SHC3: variants seen among roughly 807,000 people sequenced by gnomAD.
SHC3 encodes SHC adaptor protein 3, also known as SHC-transforming protein 3.
Under a neutral mutation model 60.4 loss-of-function variants are expected in SHC3, and 15 were observed. That is an observed-to-expected ratio of 0.25 (90% confidence interval 0.17 to 0.38). The LOEUF is 0.38. Among genes scored for constraint, SHC3 ranks in the 10% least tolerant of loss-of-function variants. SHC3 has a pLI of 1.00. For synonymous variants in SHC3, 294 were observed against 325.9 expected (o/e 0.90, Z 1.05); for missense variants, 677 against 786.1 (o/e 0.86, Z 1.66).
intron 1 of SHC3, among the ~76,000 whole-genome samples, chr9:89,157,742 A>G (rs533561455): frequency 6.6e-6 from 1 of 152,256 alleles, no homozygotes; most frequent in East Asian, 1.9e-4. Flanking sequence ...CAGCCTCCTG[A>G]GTACCTGGGA....
intron 1 of SHC3, among the ~76,000 whole-genome samples, chr9:89,117,694 A>G (rs996950435): frequency 6.6e-6 from 1 of 152,110 alleles, no homozygotes; most frequent in South Asian, 2.1e-4. Context: ...TGTTTTCCTT[A>G]AGAAGGTCTT....
At chr9:89,066,719 C>T (rs147732130) in intron 5 of SHC3, among the ~76,000 whole-genome samples, 11 of 152,270 alleles carry the variant, frequency 7.2e-5, no homozygotes, top group Admixed American at 1.3e-4. Flanking sequence ...GTTATTGATA[C>T]GCTCCCGATG....
intron 11 of SHC3, among the ~76,000 whole-genome samples, chr9:89,031,835 G>A (rs1824497315): frequency 6.6e-6 from 1 of 152,170 alleles, no homozygotes; most frequent in Non-Finnish European, 1.5e-5. Context: ...TAAAAGGTAT[G>A]TTGCTGAGAC....
rs558423078 is a variant in SHC3 at position 89,178,333 on chromosome 9, G to T, written c.128C>A (p.Ala43Glu). 1.9e-6 allele frequency: 3 copies of T among 1,594,710 alleles called. No individual in the cohort carries two copies. Among genetic ancestry groups the T allele is most frequent in the Admixed American group, 1.7e-5 (1 of 58,532 alleles). The change falls in exon 1 of 12, where the codon GCG becomes GAG. Residue 43 changes from alanine (A) to glutamate (E), a missense_variant. Coordinates refer to ENST00000375835, the MANE Select transcript of SHC3 (RefSeq NM_016848.6). This position sits in a 1 kb window ranked among gnomAD's most constrained non-coding sequence, Gnocchi z 6.9. The part of the protein sequence containing the change: ...KVSAARATPA[A>E]APYLVSGEAL... ...CTCGCCGGACACCAAGTAGGGAGCC[G>T]CCGCCGGGGTCGCGCGCGCCGCCGA...
intron 9 of SHC3, 107 bp downstream of exon 9, chr9:89,045,639 C>A: frequency 1.1e-6 from 1 of 932,204 alleles, no homozygotes; most frequent in Admixed American, 2.1e-5. Context: ...GCACATATAT[C>A]CAGGGGTCAC....
intron 1 of SHC3, among the ~76,000 whole-genome samples, chr9:89,157,720 C>G (rs547926275): frequency 1.4e-4 from 22 of 152,162 alleles, no homozygotes; most frequent in Middle Eastern, 6.8e-3. Flanking sequence ...AGTTCAAGTG[C>G]TCCTCCTGCC....
rs190656375 is a variant in SHC3, at chr9:89,166,783, G to C, written c.474+11204C>G. On this transcript the variant is annotated intron_variant, in intron 1 of 11. Coordinates refer to ENST00000375835, the MANE Select transcript of SHC3 (RefSeq NM_016848.6). ...TCAAGTGGAGGCAGGATGCAGGAAA[G>C]GCTGATTTAGCGGGGAACAGACCTC... 4.6e-5 allele frequency among the ~76,000 whole-genome samples: 7 copies of C among 152,302 alleles called. No individual in the cohort carries two copies. In the East Asian group the frequency reaches 1.4e-3, roughly 29 times the overall value.
At chr9:89,103,517 T>TGTCCTCCAAAAAG (rs1825813176) in intron 2 of SHC3, among the ~76,000 whole-genome samples, 1 of 152,172 alleles carries the variant, frequency 6.6e-6, no homozygotes, top group South Asian at 2.1e-4. Flanking sequence ...GAGGCTAGGC[T>TGTCCTCCAAAAAG]ACTATAGCCC....
intron 2 of SHC3, among the ~76,000 whole-genome samples, chr9:89,108,552 C>A (rs578224826): frequency 6.6e-6 from 1 of 152,062 alleles, no homozygotes; most frequent in Admixed American, 6.5e-5. Flanking sequence ...CACACACACA[C>A]ACACACACAT....
intron 1 of SHC3, among the ~76,000 whole-genome samples, chr9:89,142,695 G>A (rs1177044357): frequency 6.6e-6 from 1 of 150,718 alleles, no homozygotes; most frequent in Non-Finnish European, 1.5e-5. Flanking sequence ...AAAAAAAGGC[G>A]GGGGGTGTCT....
intron 1 of SHC3, among the ~76,000 whole-genome samples, chr9:89,144,356 CA>C (rs1330929156): frequency 6.6e-6 from 1 of 152,196 alleles, no homozygotes; most frequent in African/African-American, 2.4e-5. Flanking sequence ...GGATGGCTCT[CA>C]AACTGGAGTA....
intron 9 of SHC3, among the ~76,000 whole-genome samples, chr9:89,042,563 C>A (rs1294418403): frequency 1.3e-5 from 2 of 152,198 alleles, no homozygotes; most frequent in Non-Finnish European, 2.9e-5. Flanking sequence ...GGACCACAAG[C>A]CTTATATTAA....
At chr9:89,058,810 G>T (rs1825004315) in intron 6 of SHC3, among the ~76,000 whole-genome samples, 1 of 130,252 alleles carries the variant, frequency 7.7e-6, no homozygotes, top group South Asian at 2.6e-4. Flanking sequence ...GGAGGACATT[G>T]TAGAAGACAT....
intron 11 of SHC3, among the ~76,000 whole-genome samples, chr9:89,030,513 G>T (rs1387221325): frequency 6.6e-6 from 1 of 152,076 alleles, no homozygotes; most frequent in African/African-American, 2.4e-5. Context: ...TAGATAATCT[G>T]AATAGACCTA....
chr9:89,084,301 A>C (rs1825493394), intron 2 of SHC3, among the ~76,000 whole-genome samples: 1 of 152,214 alleles, frequency 6.6e-6, no homozygotes, highest in Non-Finnish European at 1.5e-5. Flanking sequence ...AAATATACAC[A>C]CAGGGGTAAA....
At chr9:89,132,083 G>A (rs939440657) in intron 1 of SHC3, among the ~76,000 whole-genome samples, 20 of 152,102 alleles carry the variant, frequency 1.3e-4, no homozygotes, top group Admixed American at 7.2e-4. Context: ...AAATCAATGT[G>A]CAAAAATCAC....
chr9:89,119,472 A>C (rs1200881915), intron 1 of SHC3, among the ~76,000 whole-genome samples: 1 of 152,182 alleles, frequency 6.6e-6, no homozygotes, highest in Non-Finnish European at 1.5e-5. Context: ...AACATATTCT[A>C]TATCAGACAA....
At position 89,006,421 on chromosome 9, in the gene SHC3, G is replaced by A. The variant is rs1464111536; in HGVS notation, c.*7026C>T. On this transcript the variant is annotated 3_prime_UTR_variant, in exon 12 of 12. Transcript: ENST00000375835. ...ACAAAGATTAGAGAACTTGAAATTC[G>A]TTTTGCATTTCCACTCCTCAGGGAT... 6.6e-6 allele frequency: 1 copy of A among 152,174 alleles called. No homozygotes were observed. Among genetic ancestry groups the A allele is most frequent in the Non-Finnish European group, 1.5e-5 (1 of 68,018 alleles). 9.4% of individuals were successfully genotyped at this position (152,174 alleles called of 1,614,324 possible).
intron 6 of SHC3, among the ~76,000 whole-genome samples, chr9:89,060,211 T>G: frequency 7.1e-6 from 1 of 140,066 alleles, no homozygotes; most frequent in Non-Finnish European, 1.6e-5. Flanking sequence ...AGGGTGGTGG[T>G]GGAGGATGTG....
Sources: gnomAD v4.1 joint callset for allele counts (sites outside exome capture counted in the v4.1 genomes callset) on GRCh38, gnomAD v4.1.1 for gene constraint, Gnocchi (gnomAD v3.1) non-coding constraint, MANE v1.5 for transcripts, NCBI Gene and HGNC (gene_info 2026-07-23, HGNC 2026-07-21) for gene names.